The following SNAP25 variants were observed in gnomAD, a reference collection of about 807,000 sequenced individuals.
SNAP25 encodes the protein synaptosomal-associated protein 25.
In SNAP25, 3 loss-of-function variants were observed where a neutral mutation model predicts 28.7. The ratio of observed to expected loss-of-function variants is 0.10; its 90% CI spans 0.05 to 0.27. The LOEUF is 0.27. Ranked by LOEUF, SNAP25 falls within the 10% of genes least tolerant of loss-of-function variation. SNAP25 has a pLI of 1.00. For missense variants in SNAP25, 117 were observed against 278.7 expected, an observed-to-expected ratio of 0.42 and a Z score of 4.13; for synonymous variants, 61 against 88.1, an observed-to-expected ratio of 0.69 and a Z score of 1.72.
intron 1 of SNAP25, among the ~76,000 whole-genome samples, chr20:10,254,198 A>G (rs1165463705): frequency 6.6e-6 from 1 of 152,212 alleles, no homozygotes; most frequent in Non-Finnish European, 1.5e-5. Flanking sequence ...TGCTTCATCC[A>G]TACAGAGACC....
chr20:10,251,513 A>G lies in SNAP25; in HGVS notation c.-63-23916A>G, dbSNP rs543426205. Among the ~76,000 whole-genome samples the G allele has an allele frequency of 9.8e-5, 15 of 152,302 alleles. No individual in the cohort carries two copies. In the South Asian group the frequency reaches 2.9e-3, roughly 29 times the overall value. On this transcript the variant is annotated intron_variant, in intron 1 of 7. Coordinates refer to ENST00000254976, the MANE Select transcript of SNAP25 (RefSeq NM_130811.4). The stretch of plus-strand genomic sequence containing the variant: ...TAGCAGACATTGGAAGGATTACAGT[A>G]AAAGTAAGTAGGGAAGCATTTTCAT...
At chr20:10,269,804 A>C (rs563234804) in intron 1 of SNAP25, among the ~76,000 whole-genome samples, 7 of 152,238 alleles carry the variant, frequency 4.6e-5, no homozygotes, top group Non-Finnish European at 1.0e-4. Flanking sequence ...ACATGTCACA[A>C]AATTTTTTCT....
At chr20:10,282,146 G>GGGAA (rs1352039975) in intron 3 of SNAP25, among the ~76,000 whole-genome samples, 37 of 126,498 alleles carry the variant, frequency 2.9e-4, no homozygotes, top group East Asian at 2.4e-4. Flanking sequence ...GAAGGAAGGA[G>GGGAA]GGAAGGAAGG....
intron 6 of SNAP25, among the ~76,000 whole-genome samples, chr20:10,298,056 A>G (rs2064153056): frequency 6.6e-6 from 1 of 151,728 alleles, no homozygotes; most frequent in Admixed American, 6.6e-5. Context: ...TCCCAGGGAA[A>G]GTAGCCCAAG....
intron 2 of SNAP25, among the ~76,000 whole-genome samples, 163 bp downstream of exon 2, chr20:10,275,726 A>G (rs2063681350): frequency 6.6e-6 from 1 of 152,242 alleles, no homozygotes. Context: ...TGTGGACCAG[A>G]ATAAGTTGAT....
intron 7 of SNAP25, among the ~76,000 whole-genome samples, chr20:10,301,892 A>T (rs6039821): frequency 0.015 from 2,235 of 145,414 alleles, 51 homozygotes; most frequent in African/African-American, 0.053. Flanking sequence ...TATATATATT[A>T]TATGTATATG....
intron 1 of SNAP25, among the ~76,000 whole-genome samples, chr20:10,265,809 A>C (rs948787740): frequency 6.6e-6 from 1 of 152,164 alleles, no homozygotes; most frequent in Non-Finnish European, 1.5e-5. Flanking sequence ...TACCAGCCTA[A>C]TATGGAGATA....
At chr20:10,291,096 G>A (rs537395254) in intron 4 of SNAP25, among the ~76,000 whole-genome samples, 2 of 151,974 alleles carry the variant, frequency 1.3e-5, no homozygotes, top group Non-Finnish European at 1.5e-5. Flanking sequence ...TTTTTGGGAC[G>A]GAGTTTCGCT....
chr20:10,237,039 C>G (rs2062936852), intron 1 of SNAP25, among the ~76,000 whole-genome samples: 3 of 151,984 alleles, frequency 2.0e-5, no homozygotes. Context: ...TAGGTTGAGC[C>G]CTCCCAAAAG....
chr20:10,258,698 A>G (rs1361379233), intron 1 of SNAP25, among the ~76,000 whole-genome samples: 3 of 152,230 alleles, frequency 2.0e-5, no homozygotes, highest in Non-Finnish European at 4.4e-5. Context: ...TTACAGTCAC[A>G]GTAGTTACTT....
intron 1 of SNAP25, among the ~76,000 whole-genome samples, chr20:10,237,861 A>G (rs1248135864): frequency 1.3e-5 from 2 of 152,098 alleles, no homozygotes; most frequent in Non-Finnish European, 2.9e-5. Context: ...GGTGAGGAGT[A>G]TTTTCTCCTG....
At chr20:10,242,990 G>A (rs1162822101) in intron 1 of SNAP25, among the ~76,000 whole-genome samples, 1 of 152,210 alleles carries the variant, frequency 6.6e-6, no homozygotes, top group East Asian at 1.9e-4. Flanking sequence ...TGATTGCAGA[G>A]AAGAAACCAG....
At position 10,289,712 on chromosome 20, in the gene SNAP25, C is replaced by A. The variant is rs362587; in HGVS notation, c.164-3449C>A. Among the ~76,000 whole-genome samples, 1,226 of 147,896 alleles carry A rather than the reference C, an allele frequency of 8.3e-3. 24 individuals carry two copies. The highest frequency in any genetic ancestry group is 0.029 in the African/African-American group (1,153 of 39,852). ...TAACTGGATATACTCATGAAGGCTG[C>A]ATACTAGATTAATAGTATTAATGCT... On this transcript the variant is annotated intron_variant, in intron 4 of 7. Transcript: ENST00000254976.
At chr20:10,304,559 A>G (rs954766533) in intron 7 of SNAP25, among the ~76,000 whole-genome samples, 1 of 152,246 alleles carries the variant, frequency 6.6e-6, no homozygotes, top group African/African-American at 2.4e-5. Context: ...TACATTTATA[A>G]TACTATGCTG....
At position 10,236,231 on chromosome 20, in the gene SNAP25, G is replaced by A. The variant is rs950558840; in HGVS notation, c.-64+17254G>A. Among the ~76,000 whole-genome samples, 2 of 151,978 alleles carry A rather than the reference G, an allele frequency of 1.3e-5. 1 individual carries two copies. Among genetic ancestry groups the A allele is most frequent in the South Asian group, 4.2e-4 (2 of 4,816 alleles). On this transcript the variant is annotated intron_variant, in intron 1 of 7. Transcript: ENST00000254976. ...CTTGGAGCCCTCAAGTTTAACTTTG[G>A]ATATCCTTGGTTCAAGAGGGCACCT...
rs555461700 is a variant in SNAP25, at chr20:10,275,513, C to G, written c.22C>G (p.Arg8Gly). 6.2e-7 allele frequency: 1 copy of G among 1,605,890 alleles called. No individual in the cohort carries two copies. Among genetic ancestry groups the G allele is most frequent in the African/African-American group, 1.3e-5 (1 of 74,936 alleles). Residue 8 changes from arginine (R) to glycine (G), a missense_variant, in exon 2 of 8, where the codon CGC becomes GGC. Around this residue, in one of 3 missense-constraint regions of SNAP25, gnomAD observed 29 missense variants for 53.5 expected, o/e 0.54. Transcript: ENST00000254976. Reference sequence around the variant, plus strand: ...TACCATGGCCGAAGACGCAGACATGCGCAATGAGCTGGAGGAGATGCAGCG... The same window carrying G: ...TACCATGGCCGAAGACGCAGACATGGGCAATGAGCTGGAGGAGATGCAGCG... MAEDADM[R>G]NELEEMQRRA...
intron 1 of SNAP25, among the ~76,000 whole-genome samples, chr20:10,257,204 A>T (rs2063332357): frequency 6.6e-6 from 1 of 152,186 alleles, no homozygotes; most frequent in African/African-American, 2.4e-5. Context: ...CATATGATTT[A>T]AAAAAGGAAA....
chr20:10,282,208 G>GGA (rs1411091619), intron 3 of SNAP25, among the ~76,000 whole-genome samples: 1 of 145,376 alleles, frequency 6.9e-6, no homozygotes, highest in Admixed American at 7.0e-5. Flanking sequence ...AGGAAGGAAG[G>GGA]AAGGAAGGAA....
chr20:10,277,490 G>T (rs1387358360), intron 2 of SNAP25, among the ~76,000 whole-genome samples, 195 bp from the exon 3 acceptor site: 2 of 152,108 alleles, frequency 1.3e-5, no homozygotes, highest in African/African-American at 4.8e-5. Context: ...TTGCTTTAGG[G>T]AATCTGATCA....
Sources: gnomAD v4.1 joint callset for allele counts (sites outside exome capture counted in the v4.1 genomes callset) on GRCh38, gnomAD v4.1.1 for gene constraint, gnomAD v4.1.1 regional missense constraint, MANE v1.5 for transcripts, NCBI Gene and HGNC (gene_info 2026-07-23, HGNC 2026-07-21) for gene names.